TBC1D2: variants seen among roughly 807,000 people sequenced by gnomAD.
TBC1D2 encodes the protein TBC1 domain family member 2A.
In TBC1D2, 58 loss-of-function variants were observed where a neutral mutation model predicts 91.1. That is an observed-to-expected ratio of 0.64 (90% CI 0.52 to 0.79). The LOEUF (loss-of-function observed/expected upper bound fraction) is 0.79, where lower values mean the gene tolerates loss of function less well. Among genes scored for constraint, TBC1D2 ranks in the 30% least tolerant of loss-of-function variants. The pLI, the probability that TBC1D2 is intolerant of heterozygous loss-of-function variation, is 0.00. For synonymous variants in TBC1D2, 482 were observed against 511.5 expected (o/e 0.94, Z 0.78); for missense variants, 1,080 against 1,208.3 (o/e 0.89, Z 1.57).
chr9:98,208,969 C>G lies in TBC1D2; in HGVS notation c.1849G>C (p.Glu617Gln). 6.2e-7 allele frequency: 1 copy of G among 1,614,086 alleles called. No individual in the cohort carries two copies. Among genetic ancestry groups the G allele is most frequent in the South Asian group, 1.1e-5 (1 of 91,080 alleles). Residue 617 changes from glutamate (E) to glutamine (Q), a missense_variant, in exon 9 of 13, where the codon GAG (glutamate) becomes CAG (glutamine). Glu to Gln is a conservative substitution (Grantham distance 29). Coordinates refer to ENST00000465784, the MANE Select transcript of TBC1D2 (RefSeq NM_001267571.2). ...CCTGCCCGCAGTAGCTGCTTGAGCT[C>G]GGCTGAGGGCACAAGATCGCCCAGG... ...AALGDLVPSAELKQLLRAGVP... is the reference protein window; with the variant it reads ...AALGDLVPSAQLKQLLRAGVP...
intron 4 of TBC1D2, among the ~76,000 whole-genome samples, chr9:98,231,391 T>A (rs10985545): frequency 6.6e-6 from 1 of 150,934 alleles, no homozygotes; most frequent in African/African-American, 2.5e-5. Flanking sequence ...TTAGAAAAGA[T>A]TTATTGACAT....
At chr9:98,229,177 T>C in intron 4 of TBC1D2, 29 bp from the exon 5 acceptor site, 1 of 1,606,622 alleles carries the variant, frequency 6.2e-7, no homozygotes, top group African/African-American at 1.3e-5. Flanking sequence ...GCAGAAGTTA[T>C]GACTGATGAC....
chr9:98,241,341 C>T (rs926278338), intron 3 of TBC1D2, among the ~76,000 whole-genome samples: 6 of 152,186 alleles, frequency 3.9e-5, no homozygotes, highest in African/African-American at 1.4e-4. Context: ...GCACCCAACA[C>T]AGTGCTCAGG....
chr9:98,250,166 T>A (rs1475532083), intron 2 of TBC1D2, among the ~76,000 whole-genome samples: 1 of 151,940 alleles, frequency 6.6e-6, no homozygotes, highest in Non-Finnish European at 1.5e-5. Context: ...AGCTTGGCCA[T>A]AGAGAATAAG....
chr9:98,203,227 T>C (rs966992762), intron 10 of TBC1D2, 61 bp downstream of exon 10: 1 of 1,593,858 alleles, frequency 6.3e-7, no homozygotes, highest in Admixed American at 1.7e-5. Context: ...CACAGGCTTC[T>C]AGGAACAGCT....
At chr9:98,244,608 G>A (rs1189561461) in intron 2 of TBC1D2, among the ~76,000 whole-genome samples, 1 of 139,166 alleles carries the variant, frequency 7.2e-6, no homozygotes, top group South Asian at 2.3e-4. Flanking sequence ...GCAGTGGGCC[G>A]AGATCGCGCC....
chr9:98,222,375 C>T (rs1284153536), intron 5 of TBC1D2, among the ~76,000 whole-genome samples: 1 of 152,180 alleles, frequency 6.6e-6, no homozygotes, highest in Non-Finnish European at 1.5e-5. Context: ...CATGTAAAGC[C>T]ACACACAGAG....
chr9:98,249,957 G>A (rs942618259), intron 2 of TBC1D2, among the ~76,000 whole-genome samples: 4 of 152,054 alleles, frequency 2.6e-5, no homozygotes, highest in African/African-American at 9.7e-5. Flanking sequence ...GGTGACACAG[G>A]CAACCAAAAA....
intron 2 of TBC1D2, among the ~76,000 whole-genome samples, chr9:98,250,035 C>A (rs1829839474): frequency 6.6e-6 from 1 of 152,092 alleles, no homozygotes; most frequent in Non-Finnish European, 1.5e-5. Flanking sequence ...TAATAGAACA[C>A]AATGGAACAG....
chr9:98,234,380 A>C (rs956324273), intron 3 of TBC1D2, among the ~76,000 whole-genome samples: 2 of 152,216 alleles, frequency 1.3e-5, no homozygotes, highest in African/African-American at 4.8e-5. Context: ...GCTGGATGTA[A>C]AAACAGTTCA....
At chr9:98,199,777 C>A (rs1248313122) in intron 12 of TBC1D2, among the ~76,000 whole-genome samples, 189 bp from the exon 13 acceptor site, 1 of 152,110 alleles carries the variant, frequency 6.6e-6, no homozygotes, top group Non-Finnish European at 1.5e-5. Context: ...GGAGGAAGAT[C>A]AGAAGAAAGA....
chr9:98,229,469 A>G (rs1829316492), intron 4 of TBC1D2, among the ~76,000 whole-genome samples: 1 of 152,168 alleles, frequency 6.6e-6, no homozygotes, highest in African/African-American at 2.4e-5. Flanking sequence ...GCATTGGTCT[A>G]TCTCATGCCA....
chr9:98,243,757 G>A (rs973605604), intron 3 of TBC1D2, among the ~76,000 whole-genome samples: 4 of 152,064 alleles, frequency 2.6e-5, no homozygotes, highest in Admixed American at 6.6e-5. Context: ...GGCTGGTCTC[G>A]AACTCCTGAC....
At chr9:98,248,148 C>T (rs1829804068) in intron 2 of TBC1D2, among the ~76,000 whole-genome samples, 1 of 152,208 alleles carries the variant, frequency 6.6e-6, no homozygotes, top group Admixed American at 6.5e-5. Flanking sequence ...TTTGCTTTTC[C>T]CATTAAACAA....
At chr9:98,199,635 C>A in intron 12 of TBC1D2, 47 bp from the exon 13 acceptor site, 1 of 1,602,020 alleles carries the variant, frequency 6.2e-7, no homozygotes, top group Non-Finnish European at 8.5e-7. Context: ...CCCACCTGGC[C>A]GGCGTTTACC....
In TBC1D2 at chr9:98,221,034, G is replaced by A. The variant is rs370108723; in HGVS notation, c.1173C>T (p.Ser391=). The change falls in exon 6 of 13, where the codon AGC becomes AGT. Residue 391 remains serine (S), a synonymous_variant. Transcript: ENST00000465784. Reference sequence around the variant, plus strand: ...GCTCCTGCACCTGCTGCTCCCGCAGGCTCGCTGTGTGCGCCAGGCTCTCCC... The same window carrying A: ...GCTCCTGCACCTGCTGCTCCCGCAGACTCGCTGTGTGCGCCAGGCTCTCCC... ...QERESLAHTA[S]LREQQVQELQ... 3.1e-6 allele frequency: 5 copies of A among 1,613,728 alleles called. No homozygotes were observed. Among genetic ancestry groups the A allele is most frequent in the Non-Finnish European group, 4.2e-6 (5 of 1,179,986 alleles).
chr9:98,255,317 T>G lies in TBC1D2; in HGVS notation c.225A>C (p.Lys75Asn), dbSNP rs1260685991. The G allele has an allele frequency of 1.9e-6, 3 of 1,614,082 alleles. No individual in the cohort carries two copies. The highest frequency in any genetic ancestry group is 1.3e-5 in the African/African-American group (1 of 74,930). Residue 75 changes from lysine (K) to asparagine (N), a missense_variant, in exon 1 of 13, where the codon AAA (lysine) becomes AAC (asparagine). Transcript: ENST00000465784. ...KSRWFFYDER[K>N]CQLYYSRTAQ... is the part of the protein sequence containing the mutation. ...CGGTCCGCGAGTAATACAGCTGACATTTCCTTTCGTCGTAGAAGAACCAGC... is the reference window on the plus strand; with the variant it reads ...CGGTCCGCGAGTAATACAGCTGACAGTTCCTTTCGTCGTAGAAGAACCAGC...
intron 3 of TBC1D2, among the ~76,000 whole-genome samples, chr9:98,237,033 T>C (rs553570286): frequency 1.1e-4 from 17 of 152,042 alleles, no homozygotes; most frequent in Middle Eastern, 6.8e-3. Context: ...GATAATAAAA[T>C]CTGTTAAGAA....
chr9:98,201,550 C>T lies in TBC1D2; in HGVS notation c.2386G>A (p.Val796Ile). The change falls in exon 11 of 13, where the codon GTC becomes ATC. Residue 796 changes from valine to isoleucine, a missense_variant. Coordinates refer to ENST00000465784, the MANE Select transcript of TBC1D2 (RefSeq NM_001267571.2). ...TTGCTAATGAGACTGTCCGCAAAGACCACGAGGAACCAGTTGAAGGTGACG... is the reference window on the plus strand; with the variant it reads ...TTGCTAATGAGACTGTCCGCAAAGATCACGAGGAACCAGTTGAAGGTGACG... Reference protein sequence around the residue: ...SLVTFNWFLVVFADSLISNIL... With the variant: ...SLVTFNWFLVIFADSLISNIL... 3 of 1,614,164 alleles carry T rather than the reference C, an allele frequency of 1.9e-6. No homozygotes were observed. The highest frequency in any genetic ancestry group is 1.7e-6 in the Non-Finnish European group (2 of 1,180,020).
Sources: allele counts gnomAD v4.1 joint callset (sites outside exome capture counted in the v4.1 genomes callset), GRCh38; gene constraint gnomAD v4.1.1; transcripts MANE v1.5; gene names NCBI Gene and HGNC (gene_info 2026-07-23, HGNC 2026-07-21).